The following COL9A1 variants were observed in gnomAD, a reference collection of about 807,000 sequenced individuals.
The protein encoded by COL9A1 is collagen type IX alpha 1 chain.
A neutral mutation model predicts 142.6 loss-of-function variants in COL9A1; 104 were observed. The ratio of observed to expected loss-of-function variants is 0.73; its 90% CI spans 0.62 to 0.86. COL9A1 has a LOEUF of 0.86. COL9A1 is among the 40% of genes least tolerant of loss of function. The pLI is 0.00. For missense variants in COL9A1, 1,210 were observed against 1,176.6 expected, an observed-to-expected ratio of 1.03 and a Z score of -0.42; for synonymous variants, 466 against 396.0, an observed-to-expected ratio of 1.18 and a Z score of -2.10.
chr6:70,282,888 C>G lies in COL9A1; in HGVS notation c.801+10G>C, dbSNP rs542704238. ...TTGAAAAATGCAAACACTCCCTGCC[C>G]CCAACTTACCTCGTCGGTGGTCTGG... On this transcript the variant is annotated intron_variant, in intron 7 of 37. Transcript: ENST00000357250. 26 of 1,614,190 alleles carry G rather than the reference C, an allele frequency of 1.6e-5. No homozygotes were observed. The South Asian group carries it at 2.9e-4, about 18-fold the overall frequency.
intron 2 of COL9A1, among the ~76,000 whole-genome samples, chr6:70,300,970 A>ATATG (rs1254937272): frequency 6.6e-6 from 1 of 152,206 alleles, no homozygotes; most frequent in Non-Finnish European, 1.5e-5. Flanking sequence ...CCTAAATAAA[A>ATATG]TATAGAGGAT....
chr6:70,281,358 G>A lies in COL9A1; in HGVS notation c.876+32C>T, dbSNP rs201759300. The A allele has an allele frequency of 9.3e-6, 15 of 1,606,126 alleles. 1 individual carries two copies. The highest frequency in any genetic ancestry group is 5.0e-5 in the Admixed American group (3 of 59,954). The stretch of plus-strand genomic sequence containing the variant: ...AAAGAATAGGAAAGGGCAGGACTGG[G>A]GAACAGAGGTGGCCTGGAGATAGAA... On this transcript the variant is annotated intron_variant, in intron 8 of 37. Transcript: ENST00000357250.
chr6:70,241,125 G>A (rs1770229185), intron 31 of COL9A1, among the ~76,000 whole-genome samples: 2 of 152,164 alleles, frequency 1.3e-5, no homozygotes, highest in Admixed American at 1.3e-4. Flanking sequence ...GGCTGTGGAA[G>A]GCTCCATTGG....
chr6:70,291,927 C>T lies in COL9A1; in HGVS notation c.696+2240G>A, dbSNP rs1354542575. Among the ~76,000 whole-genome samples, 11 of 152,214 alleles carry T rather than the reference C, an allele frequency of 7.2e-5. No homozygotes were observed. The South Asian group carries it at 1.9e-3, about 26-fold the overall frequency. On this transcript the variant is annotated intron_variant, in intron 5 of 37. Transcript: ENST00000357250. Reference sequence around the variant, plus strand: ...CCTCAGCTGAGAAATGGAGATAATGCTATCTCTACTTTCCATCTTACAAGG... The same window carrying T: ...CCTCAGCTGAGAAATGGAGATAATGTTATCTCTACTTTCCATCTTACAAGG...
intron 10 of COL9A1, chr6:70,280,333 G>A: frequency 8.3e-7 from 1 of 1,199,696 alleles, no homozygotes; most frequent in Non-Finnish European, 1.0e-6. Context: ...TTGGGATTTA[G>A]GAGTGCTCTG....
intron 12 of COL9A1, among the ~76,000 whole-genome samples, chr6:70,272,801 C>T (rs1772493276): frequency 6.6e-6 from 1 of 152,148 alleles, no homozygotes; most frequent in South Asian, 2.1e-4. Context: ...GCCCCAACTC[C>T]TAGCACGGGG....
At position 70,234,596 on chromosome 6, in the gene COL9A1, G is replaced by A. The variant is rs1305147526; in HGVS notation, c.2260-3C>T. 1.9e-6 allele frequency: 3 copies of A among 1,613,964 alleles called. No homozygotes were observed. Among genetic ancestry groups the A allele is most frequent in the Non-Finnish European group, 2.5e-6 (3 of 1,179,998 alleles). On this transcript the variant is annotated splice_region_variant and splice_polypyrimidine_tract_variant and intron_variant, in intron 34 of 37. Transcript: ENST00000357250. ...TGCTGATCTGTCGGTGCTCTACCCT[G>A]GGACAGAAAAGAAAAAAAGGCAGTT...
chr6:70,279,865 T>C, intron 10 of COL9A1: 1 of 468,942 alleles, frequency 2.1e-6, no homozygotes, highest in East Asian at 3.0e-5. Flanking sequence ...TTTCGAGTGC[T>C]TTCTTTCATT....
chr6:70,242,659 T>C lies in COL9A1; in HGVS notation c.1926+3A>G. On this transcript the variant is annotated splice_donor_region_variant and intron_variant, in intron 29 of 37. Coordinates refer to ENST00000357250, the MANE Select transcript of COL9A1 (RefSeq NM_001851.6). Reference sequence around the variant, plus strand: ...GGCAAATAAACGAAACTTTTCTACTTACCAGTTTACCTGGTAGGCCTGGGG... The same window carrying C: ...GGCAAATAAACGAAACTTTTCTACTCACCAGTTTACCTGGTAGGCCTGGGG... 2.5e-6 allele frequency: 4 copies of C among 1,613,880 alleles called. No homozygotes were observed. The highest frequency in any genetic ancestry group is 3.4e-6 in the Non-Finnish European group (4 of 1,179,734).
intron 28 of COL9A1, among the ~76,000 whole-genome samples, chr6:70,243,710 T>C (rs1034291759): frequency 3.9e-5 from 6 of 152,320 alleles, no homozygotes; most frequent in African/African-American, 1.2e-4. Context: ...GTATTTTTAG[T>C]AGAGACCGGG....
chr6:70,281,542 C>T, intron 7 of COL9A1, 78 bp from the exon 8 acceptor site: 1 of 1,142,528 alleles, frequency 8.8e-7, no homozygotes, highest in Non-Finnish European at 1.3e-6. Context: ...CCTGAAGCCC[C>T]CGCCTCCGTG....
intron 4 of COL9A1, 104 bp from the exon 5 acceptor site, chr6:70,294,667 A>C (rs1773787789): frequency 1.8e-6 from 2 of 1,099,718 alleles, no homozygotes; most frequent in Non-Finnish European, 2.8e-6. Context: ...ACCTATAGAA[A>C]AGCTACAGTG....
At position 70,271,668 on chromosome 6, in the gene COL9A1, C is replaced by T. The variant is rs142328549; in HGVS notation, c.1130G>A (p.Arg377His). 185 of 1,613,832 alleles carry T rather than the reference C, an allele frequency of 1.1e-4. No homozygotes were observed. Among genetic ancestry groups the T allele is most frequent in the African/African-American group, 8.5e-4 (64 of 75,016 alleles). The change falls in exon 14 of 38, where the codon CGT becomes CAT. Residue 377 changes from arginine to histidine, a missense_variant. Transcript: ENST00000357250. The part of the protein sequence containing the change: ...GTAGLPGELG[R>H]VGPVGDPGRR... ...TGTGGTACTCACAACAGGTCCTACA[C>T]GGCCAAGCTCTCCAGGGAGTCCTGC...
In COL9A1 at chr6:70,255,184, C is replaced by T; in HGVS notation, c.1577G>A (p.Gly526Glu). The change falls in exon 23 of 38, where the codon GGA becomes GAA. Residue 526 changes from glycine to glutamate, a missense_variant. Transcript: ENST00000357250. ...TTTGGGCCCAGGGAGACCAGGAATTCCTCTAGCACCTTCAGCCCCCTGCAG... is the reference window on the plus strand; with the variant it reads ...TTTGGGCCCAGGGAGACCAGGAATTTCTCTAGCACCTTCAGCCCCCTGCAG... ...KGDRGAEGARGIPGLPGPKGD... is the reference protein window; with the variant it reads ...KGDRGAEGAREIPGLPGPKGD... 6.2e-7 allele frequency: 1 copy of T among 1,614,168 alleles called. No individual in the cohort carries two copies. Among genetic ancestry groups the T allele is most frequent in the Non-Finnish European group, 8.5e-7 (1 of 1,180,026 alleles).
In COL9A1 at chr6:70,232,613, G is replaced by A. The variant is rs1263981940; in HGVS notation, c.2473C>T (p.Pro825Ser). The A allele has an allele frequency of 6.2e-7, 1 of 1,614,078 alleles. No homozygotes were observed. The change falls in exon 36 of 38, where the codon CCT becomes TCT. Residue 825 changes from proline (P) to serine (S), a missense_variant. Pro to Ser is a moderately conservative substitution (Grantham distance 74, BLOSUM62 -1). Coordinates refer to ENST00000357250, the MANE Select transcript of COL9A1 (RefSeq NM_001851.6). ...GGTCCCCTCAAACCAAGAGCACCAG[G>A]GGGCCCCTTAATGCCCGGAAGGCCA... ...IRGLPGIKGP[P>S]GALGLRGPKG...
intron 15 of COL9A1, 56 bp from the exon 16 acceptor site, chr6:70,269,721 T>C (rs750290301): frequency 9.2e-7 from 1 of 1,089,990 alleles, no homozygotes; most frequent in Non-Finnish European, 1.4e-6. Flanking sequence ...AATTCAAACA[T>C]ACTAATACTA....
chr6:70,294,659 C>T, intron 4 of COL9A1, 96 bp from the exon 5 acceptor site: 2 of 1,191,250 alleles, frequency 1.7e-6, no homozygotes, highest in East Asian at 2.3e-5. Flanking sequence ...GATGCCAGAC[C>T]TATAGAAAAG....
intron 10 of COL9A1, among the ~76,000 whole-genome samples, chr6:70,276,908 A>G (rs1346532014): frequency 6.6e-6 from 1 of 152,190 alleles, no homozygotes; most frequent in Non-Finnish European, 1.5e-5. Flanking sequence ...AAGGTCCTAC[A>G]AACAAACAAA....
intron 37 of COL9A1, among the ~76,000 whole-genome samples, chr6:70,223,725 A>T (rs1769043128): frequency 6.6e-6 from 1 of 152,262 alleles, no homozygotes; most frequent in Non-Finnish European, 1.5e-5. Flanking sequence ...CTTCTCTGGC[A>T]TCTGTGCTTT....
Sources: gnomAD v4.1 joint callset for allele counts (sites outside exome capture counted in the v4.1 genomes callset) on GRCh38, gnomAD v4.1.1 for gene constraint, MANE v1.5 for transcripts, NCBI Gene and HGNC (gene_info 2026-07-23, HGNC 2026-07-21) for gene names.